Variants in ARHGAP10 observed in about 807,000 individuals in gnomAD.
ARHGAP10 encodes rho GTPase-activating protein 10.
ARHGAP10 carries 87 observed loss-of-function variants against 108.6 expected under a neutral mutation model. The ratio of observed to expected loss-of-function variants is 0.80; its 90% CI spans 0.67 to 0.96. ARHGAP10 has a LOEUF of 0.96. Among genes scored for constraint, ARHGAP10 ranks in the 40% least tolerant of loss-of-function variants. The probability of loss-of-function intolerance (pLI) is 0.00; values close to 1 mark genes in which losing one functional copy is unlikely to be tolerated. For synonymous variants in ARHGAP10, 347 were observed against 341.1 expected, an observed-to-expected ratio of 1.02 and a Z score of -0.19; for missense variants, 939 against 954.5, an observed-to-expected ratio of 0.98 and a Z score of 0.21.
chr4:148,072,151 T>C lies in ARHGAP10; in HGVS notation c.*70T>C. 7.6e-7 allele frequency: 1 copy of C among 1,316,582 alleles called. No individual in the cohort carries two copies. Among genetic ancestry groups the C allele is most frequent in the Non-Finnish European group, 1.0e-6 (1 of 970,080 alleles). The allele number at this position is 1,316,582 out of a possible 1,614,324, so 81.6% of individuals were successfully genotyped here. ...GCCTGGGGGCAGAGAGCTGTCTTCC[T>C]CCTCCGAGGCTCTGGGCTGCACCCA... On this transcript the variant is annotated 3_prime_UTR_variant, in exon 23 of 23. Transcript: ENST00000336498.
intron 16 of ARHGAP10, among the ~76,000 whole-genome samples, chr4:147,959,541 A>C (rs897890883): frequency 1.3e-4 from 20 of 151,194 alleles, no homozygotes; most frequent in Admixed American, 1.1e-3. Flanking sequence ...CGACAGGCCC[A>C]GGTGTGTGAT....
intron 18 of ARHGAP10, among the ~76,000 whole-genome samples, chr4:148,018,409 A>C (rs1209647033): frequency 6.6e-6 from 1 of 152,194 alleles, no homozygotes; most frequent in Non-Finnish European, 1.5e-5. Context: ...GTAGAACAAG[A>C]TAAGCTACAT....
In ARHGAP10 at chr4:147,875,123, G is replaced by A. The variant is rs915927270; in HGVS notation, c.805G>A (p.Glu269Lys). The change falls in exon 8 of 23, where the codon GAA (glutamate) becomes AAA (lysine). Residue 269 changes from glutamate to lysine, a missense_variant. Glu to Lys is a moderately conservative substitution (Grantham distance 56, BLOSUM62 1). Transcript: ENST00000336498. Reference protein sequence around the residue: ...DHKRASQFTAEGYLYVQEKRP... With the variant: ...DHKRASQFTAKGYLYVQEKRP... ...CAAACGAGCAAGTCAGTTTACAGCC[G>A]AAGGCTACCTGTATGTCCAGGAAAA... is the stretch of plus-strand genomic sequence containing the variant. 1.1e-5 allele frequency: 17 copies of A among 1,596,552 alleles called. No individual in the cohort carries two copies. The highest frequency in any genetic ancestry group is 2.7e-5 in the African/African-American group (2 of 73,886).
intron 20 of ARHGAP10, among the ~76,000 whole-genome samples, chr4:148,059,025 T>C (rs1454994468): frequency 6.6e-6 from 1 of 152,216 alleles, no homozygotes; most frequent in African/African-American, 2.4e-5. Context: ...AGTCTGTGCA[T>C]TTTCAGGAAC....
chr4:148,038,232 G>C lies in ARHGAP10; in HGVS notation c.1868-8660G>C, dbSNP rs1728469068. On this transcript the variant is annotated intron_variant, in intron 19 of 22. Transcript: ENST00000336498. The stretch of plus-strand genomic sequence containing the variant: ...CTAGATACCACTCTCCTTTTCAGTG[G>C]CCTGAATGTCCTGGGTAACATTAGG... Among the ~76,000 whole-genome samples the C allele has an allele frequency of 2.0e-5, 3 of 152,116 alleles. No homozygotes were observed. In the South Asian group the frequency reaches 6.2e-4, roughly 32 times the overall value.
intron 22 of ARHGAP10, chr4:148,065,157 C>T (rs1379957788): frequency 2.6e-5 from 4 of 152,252 alleles, no homozygotes; most frequent in Non-Finnish European, 4.4e-5. Context: ...TCTTCCCTCC[C>T]CAGTCCTGCT....
At chr4:147,879,125 G>A in intron 8 of ARHGAP10, 107 bp from the exon 9 acceptor site, 1 of 803,990 alleles carries the variant, frequency 1.2e-6, no homozygotes, top group Non-Finnish European at 2.0e-6. Context: ...TGATTCAGCT[G>A]TATTCGTTGC....
chr4:148,058,185 C>G (rs1729445903), intron 20 of ARHGAP10, among the ~76,000 whole-genome samples: 1 of 152,230 alleles, frequency 6.6e-6, no homozygotes, highest in Admixed American at 6.5e-5. Context: ...GACAGCTGTT[C>G]TAGACTTATG....
Position 147,983,470 on chromosome 4 carries a change from C to T in ARHGAP10, c.1716+16631C>T, listed in dbSNP as rs536780944. Among the ~76,000 whole-genome samples, 4 of 152,150 alleles carry T rather than the reference C, an allele frequency of 2.6e-5. No individual in the cohort carries two copies. The East Asian group carries it at 7.7e-4, about 29-fold the overall frequency. On this transcript the variant is annotated intron_variant, in intron 18 of 22. Coordinates refer to ENST00000336498, the MANE Select transcript of ARHGAP10 (RefSeq NM_024605.4). The stretch of plus-strand genomic sequence containing the variant: ...AAAGTGCTGGGATTATAGGCGTGAG[C>T]CACTGCACTCGGCCTGTTCATTTTT...
At chr4:148,058,727 A>G (rs559526788) in intron 20 of ARHGAP10, among the ~76,000 whole-genome samples, 10 of 152,306 alleles carry the variant, frequency 6.6e-5, no homozygotes, top group African/African-American at 2.4e-4. Flanking sequence ...GATCTGTTCC[A>G]TTTTCTAAAA....
intron 13 of ARHGAP10, among the ~76,000 whole-genome samples, chr4:147,927,010 A>G (rs1578698386): frequency 1.3e-5 from 2 of 152,222 alleles, no homozygotes; most frequent in Non-Finnish European, 2.9e-5. Context: ...ACGTGATTTG[A>G]TTTGTCTAAG....
chr4:147,789,384 G>A (rs1731025028), intron 1 of ARHGAP10, among the ~76,000 whole-genome samples: 1 of 152,156 alleles, frequency 6.6e-6, no homozygotes, highest in South Asian at 2.1e-4. Context: ...CTGCCTCCCC[G>A]GTTCAAGCGA....
intron 1 of ARHGAP10, among the ~76,000 whole-genome samples, chr4:147,811,896 G>A (rs1732035677): frequency 6.6e-6 from 1 of 152,168 alleles, no homozygotes; most frequent in Non-Finnish European, 1.5e-5. Flanking sequence ...GCAGAAAGTG[G>A]GCACTTTTAA....
At chr4:147,760,776 A>AG (rs1010434558) in intron 1 of ARHGAP10, among the ~76,000 whole-genome samples, 6 of 152,036 alleles carry the variant, frequency 3.9e-5, no homozygotes, top group African/African-American at 1.2e-4. Context: ...TCCCAGTTGA[A>AG]GGGGGGCTAT....
intron 1 of ARHGAP10, among the ~76,000 whole-genome samples, chr4:147,762,097 T>A (rs1362648367): frequency 6.6e-6 from 1 of 152,240 alleles, no homozygotes; most frequent in East Asian, 1.9e-4. Flanking sequence ...AACCTCTGCC[T>A]CCTAAGTTCA....
intron 15 of ARHGAP10, among the ~76,000 whole-genome samples, chr4:147,954,641 T>TTCC (rs1450615027): frequency 6.6e-6 from 1 of 152,032 alleles, no homozygotes; most frequent in African/African-American, 2.4e-5. Flanking sequence ...TAGGTATTCT[T>TTCC]TAAGTGTTTA....
chr4:147,863,159 A>T (rs1442402187), intron 5 of ARHGAP10: 1 of 152,184 alleles, frequency 6.6e-6, no homozygotes. Flanking sequence ...GTACATTCAC[A>T]TTGTTTTGCA....
chr4:147,824,133 A>G (rs1343652064), intron 3 of ARHGAP10, among the ~76,000 whole-genome samples: 6 of 152,056 alleles, frequency 3.9e-5, no homozygotes, highest in African/African-American at 7.2e-5. Flanking sequence ...CAGCCTGGCC[A>G]ACTTGGTGAA....
intron 1 of ARHGAP10, among the ~76,000 whole-genome samples, chr4:147,762,085 G>A (rs529872795): frequency 1.4e-4 from 22 of 152,002 alleles, no homozygotes; most frequent in African/African-American, 2.7e-4. Context: ...TCAGCTCATC[G>A]CAACCTCTGC....
Sources: gnomAD v4.1 joint callset for allele counts (sites outside exome capture counted in the v4.1 genomes callset) on GRCh38, gnomAD v4.1.1 for gene constraint, MANE v1.5 for transcripts, NCBI Gene and HGNC (gene_info 2026-07-23, HGNC 2026-07-21) for gene names.